The following PXK variants were observed in gnomAD, a reference collection of about 807,000 sequenced individuals.
The protein encoded by PXK is PX domain containing serine/threonine kinase like.
In PXK, 35 loss-of-function variants were observed where a neutral mutation model predicts 84.7. The observed-to-expected ratio is 0.41, with a 90% CI of 0.32 to 0.55. PXK has a LOEUF of 0.55. Ranked by LOEUF, PXK falls within the 20% of genes least tolerant of loss-of-function variation. The pLI, the probability that PXK is intolerant of heterozygous loss-of-function variation, is 0.21. For missense variants in PXK, 634 were observed against 699.7 expected, an observed-to-expected ratio of 0.91 and a Z score of 1.06; for synonymous variants, 253 against 260.8, an observed-to-expected ratio of 0.97 and a Z score of 0.29.
At chr3:58,359,545 G>GA (rs75775589) in intron 1 of PXK, among the ~76,000 whole-genome samples, 1 of 147,314 alleles carries the variant, frequency 6.8e-6, no homozygotes, top group African/African-American at 2.5e-5. Context: ...AAAAAAAAAA[G>GA]AAAAAAAATT....
intron 3 of PXK, among the ~76,000 whole-genome samples, chr3:58,375,134 C>T (rs943216786): frequency 6.6e-6 from 1 of 152,150 alleles, no homozygotes; most frequent in African/African-American, 2.4e-5. Context: ...ACTCTCACAT[C>T]CCCACAATGA....
chr3:58,373,381 A>G (rs2098405174), intron 3 of PXK, among the ~76,000 whole-genome samples: 2 of 152,102 alleles, frequency 1.3e-5, no homozygotes, highest in Admixed American at 6.5e-5. Flanking sequence ...GGCCGAGTCC[A>G]TCATTTCTTC....
intron 17 of PXK, chr3:58,420,495 C>G (rs1196386597): frequency 6.5e-7 from 1 of 1,534,524 alleles, no homozygotes; most frequent in Admixed American, 2.0e-5. Context: ...TGAATAATGA[C>G]TTGTGTCCCC....
chr3:58,336,063 ATATATATATTTTTTTTTT>A (rs1194483063), intron 1 of PXK, among the ~76,000 whole-genome samples: 3 of 58,124 alleles, frequency 5.2e-5, no homozygotes, highest in African/African-American at 3.4e-4. Context: ...ATATATATAT[ATATATATATTTTTTTTTT>A]TTTTTTTTAA....
At chr3:58,377,000 G>A (rs2098448840) in intron 3 of PXK, among the ~76,000 whole-genome samples, 1 of 152,126 alleles carries the variant, frequency 6.6e-6, no homozygotes, top group East Asian at 1.9e-4. Flanking sequence ...GCTTGGATGT[G>A]CAATAGCTAA....
intron 12 of PXK, among the ~76,000 whole-genome samples, chr3:58,403,047 C>T (rs1168899287): frequency 2.0e-5 from 3 of 151,258 alleles, no homozygotes; most frequent in East Asian, 1.9e-4. Flanking sequence ...CTCTGTTGCC[C>T]AGGCAGGAGT....
Position 58,425,069 on chromosome 3 carries a change from A to G in PXK, c.*109A>G. ...GTAATTGCTGAGCCAGTACAGCCAC[A>G]AACAGTACTATTTTGCAGATGCTCA... On this transcript the variant is annotated 3_prime_UTR_variant, in exon 18 of 18. Transcript: ENST00000356151. The G allele has an allele frequency of 1.4e-6, 2 of 1,450,308 alleles. No homozygotes were observed. The highest frequency in any genetic ancestry group is 1.8e-6 in the Non-Finnish European group (2 of 1,081,340). The allele number at this position is 1,450,308 out of a possible 1,614,324, so 89.8% of individuals were successfully genotyped here. A position where few individuals can be genotyped will look rare whatever the true frequency, so the allele number is the denominator to read the frequency against.
intron 17 of PXK, chr3:58,423,355 A>G (rs12634132): frequency 0.26 from 388,376 of 1,474,706 alleles, 60,509 homozygotes; most frequent in East Asian, 0.79. Context: ...ACCAATGAAC[A>G]TGTTGGTCAT....
rs1224542368 is a variant in PXK at position 58,425,720 on chromosome 3, G to C, written c.*760G>C. The C allele has an allele frequency of 6.6e-6, 1 of 152,140 alleles. No individual in the cohort carries two copies. The highest frequency in any genetic ancestry group is 1.5e-5 in the Non-Finnish European group (1 of 68,020). The allele number at this position is 152,140 out of a possible 1,614,324, so 9.4% of individuals were successfully genotyped here. ...AGCAATTAAGTTTGGGGTTTGAGGG[G>C]GGCAGGTCATTGTTACAACAGAAGT... On this transcript the variant is annotated 3_prime_UTR_variant, in exon 18 of 18. Transcript: ENST00000356151.
At chr3:58,406,123 C>T (rs534401588) in intron 13 of PXK, among the ~76,000 whole-genome samples, 5 of 152,104 alleles carry the variant, frequency 3.3e-5, no homozygotes, top group South Asian at 2.1e-4. Context: ...TGCGCCACCA[C>T]GCCTGGCTAA....
At chr3:58,356,696 T>G (rs1027521030) in intron 1 of PXK, among the ~76,000 whole-genome samples, 11 of 151,584 alleles carry the variant, frequency 7.3e-5, no homozygotes, top group African/African-American at 2.7e-4. Context: ...CTCCGCCTCC[T>G]GGGTTCAAGT....
intron 17 of PXK, among the ~76,000 whole-genome samples, chr3:58,419,512 C>G (rs967294266): frequency 6.6e-6 from 1 of 152,262 alleles, no homozygotes; most frequent in Non-Finnish European, 1.5e-5. Context: ...CTTGGCCTCC[C>G]AAAGTGCTGG....
intron 13 of PXK, 30 bp from the exon 14 acceptor site, chr3:58,408,894 A>G: frequency 2.0e-6 from 3 of 1,490,108 alleles, no homozygotes; most frequent in Non-Finnish European, 2.8e-6. Flanking sequence ...CACCTTTTTC[A>G]ATAGATGATG....
chr3:58,376,226 C>A (rs1474269052), intron 3 of PXK, among the ~76,000 whole-genome samples: 1 of 151,818 alleles, frequency 6.6e-6, no homozygotes, highest in Non-Finnish European at 1.5e-5. Context: ...ACCAGCCTGG[C>A]CAACATGGTG....
chr3:58,407,847 T>G lies in PXK; in HGVS notation c.1231-1077T>G, dbSNP rs4518147. Among the ~76,000 whole-genome samples, 111,938 of 152,098 alleles carry G rather than the reference T, an allele frequency of 0.74. 41,711 individuals are homozygous for G. The highest frequency in any genetic ancestry group is 0.81 in the South Asian group (3,918 of 4,828). On this transcript the variant is annotated intron_variant, in intron 13 of 17. Transcript: ENST00000356151. This position sits in a 1 kb window ranked among gnomAD's most constrained non-coding sequence, Gnocchi z 4.3. ...ATTGGGATTACAGGCGTGAGCCACC[T>G]TGCCCGGCTGCACCAAAGTTTTAAA...
At chr3:58,394,828 C>G (rs2057382546) in intron 7 of PXK, among the ~76,000 whole-genome samples, 170 bp from the exon 8 acceptor site, 1 of 152,186 alleles carries the variant, frequency 6.6e-6, no homozygotes, top group South Asian at 2.1e-4. Context: ...GAAGGAGGAA[C>G]TAGCTGGTAA....
At chr3:58,413,293 C>T (rs1031599645) in intron 17 of PXK, 15 of 235,330 alleles carry the variant, frequency 6.4e-5, no homozygotes, top group Non-Finnish European at 9.3e-5. Flanking sequence ...ACAAATGCGC[C>T]GTGGCCCAGG....
In PXK at chr3:58,395,644, G is replaced by A; in HGVS notation, c.721-14G>A. On this transcript the variant is annotated splice_polypyrimidine_tract_variant and intron_variant, in intron 8 of 17. Coordinates refer to ENST00000356151, the MANE Select transcript of PXK (RefSeq NM_017771.5). ...TCTGCTGCTTTCTTACGTGTTCTTT[G>A]TTCTTTTCCAAAGGCAAAACCAAAA... 6.3e-7 allele frequency: 1 copy of A among 1,588,980 alleles called. No homozygotes were observed. The highest frequency in any genetic ancestry group is 8.6e-7 in the Non-Finnish European group (1 of 1,158,478).
rs940250812 is a variant in PXK at position 58,411,288 on chromosome 3, A to G, written c.1465+1129A>G. ...CAGAGCTGGAGATTGGCAGCCCTGAATAGAGAAAGCCCATAAACTCCAGAA... is the reference window on the plus strand; with the variant it reads ...CAGAGCTGGAGATTGGCAGCCCTGAGTAGAGAAAGCCCATAAACTCCAGAA... On this transcript the variant is annotated intron_variant, in intron 16 of 17. Coordinates refer to ENST00000356151, the MANE Select transcript of PXK (RefSeq NM_017771.5). The surrounding 1 kb of genome is among the most constrained non-coding windows in gnomAD (Gnocchi z 4.2). Among the ~76,000 whole-genome samples, 1 of 152,202 alleles carries G rather than the reference A, an allele frequency of 6.6e-6. No individual in the cohort carries two copies. Among genetic ancestry groups the G allele is most frequent in the Non-Finnish European group, 1.5e-5 (1 of 68,040 alleles).
Sources: gnomAD v4.1 joint callset for allele counts (sites outside exome capture counted in the v4.1 genomes callset) on GRCh38, gnomAD v4.1.1 for gene constraint, Gnocchi (gnomAD v3.1) non-coding constraint, MANE v1.5 for transcripts, NCBI Gene and HGNC (gene_info 2026-07-23, HGNC 2026-07-21) for gene names.